Variants in LCOR observed in about 807,000 individuals in gnomAD.
LCOR encodes ligand dependent nuclear receptor corepressor.
LCOR carries 14 observed loss-of-function variants against 64.4 expected under a neutral mutation model. The observed-to-expected ratio is 0.22, with a 90% CI of 0.14 to 0.34. LCOR has a LOEUF of 0.34. LCOR is among the 10% of genes least tolerant of loss of function. The pLI, the probability that LCOR is intolerant of heterozygous loss-of-function variation, is 1.00. For synonymous variants in LCOR, 643 were observed against 642.5 expected, an observed-to-expected ratio of 1.00 and a Z score of -0.01; for missense variants, 1,686 against 1,765.3, an observed-to-expected ratio of 0.96 and a Z score of 0.80.
intron 4 of LCOR, among the ~76,000 whole-genome samples, chr10:96,934,735 G>T (rs1311406680): frequency 2.0e-5 from 3 of 151,964 alleles, no homozygotes; most frequent in African/African-American, 7.3e-5. Flanking sequence ...CTGAGTAGCT[G>T]GGATTACAGG....
At chr10:96,842,728 T>A (rs573802870) in intron 2 of LCOR, among the ~76,000 whole-genome samples, 1 of 151,688 alleles carries the variant, frequency 6.6e-6, no homozygotes, top group Non-Finnish European at 1.5e-5. Flanking sequence ...CCTCCCAGGT[T>A]CAAGTGATTC....
intron 2 of LCOR, among the ~76,000 whole-genome samples, chr10:96,837,892 C>T (rs1015428272): frequency 1.9e-4 from 29 of 152,246 alleles, no homozygotes; most frequent in African/African-American, 6.5e-4. Context: ...TCATATTTCC[C>T]GTAAGTCTGT....
chr10:96,835,637 T>G (rs1398497614), intron 2 of LCOR, among the ~76,000 whole-genome samples: 3 of 152,242 alleles, frequency 2.0e-5, no homozygotes, highest in Non-Finnish European at 4.4e-5. Flanking sequence ...TTCTAAACGG[T>G]CAACCTGTTT....
rs574580821 is a variant in LCOR, at chr10:96,990,102, C to T, written c.*4968C>T. The T allele has an allele frequency of 3.0e-4, 45 of 152,140 alleles. No homozygotes were observed. Among genetic ancestry groups the T allele is most frequent in the African/African-American group, 1.1e-3 (44 of 41,492 alleles). 9.4% of individuals were successfully genotyped at this position (152,140 alleles called of 1,614,324 possible). ...TATTCCCCATGCTTGCTCTCAAATC[C>T]TTTTCAGGGGAAAAATAAAAAGATT... On this transcript the variant is annotated 3_prime_UTR_variant, in exon 8 of 8. Transcript: ENST00000421806.
At chr10:96,970,255 G>A (rs575858564) in intron 7 of LCOR, among the ~76,000 whole-genome samples, 326 of 152,060 alleles carry the variant, frequency 2.1e-3, no homozygotes, top group Admixed American at 5.0e-3. Flanking sequence ...AAAAATAACC[G>A]GGTGTGGTGG....
intron 4 of LCOR, among the ~76,000 whole-genome samples, chr10:96,916,820 G>C (rs1231293077): frequency 6.6e-6 from 1 of 152,000 alleles, no homozygotes; most frequent in Non-Finnish European, 1.5e-5. Context: ...TCACCATGTT[G>C]GTCGGGCTGG....
intron 2 of LCOR, among the ~76,000 whole-genome samples, chr10:96,891,953 G>A (rs1846453029): frequency 6.6e-6 from 1 of 152,122 alleles, no homozygotes; most frequent in Non-Finnish European, 1.5e-5. Context: ...CATTGTGGTT[G>A]GAAAAGATAC....
At chr10:96,913,833 G>A (rs1198330851) in intron 4 of LCOR, among the ~76,000 whole-genome samples, 4 of 151,874 alleles carry the variant, frequency 2.6e-5, no homozygotes, top group Admixed American at 1.3e-4. Flanking sequence ...CACGAGAATC[G>A]TTTGAACCTA....
chr10:96,946,194 T>G (rs986415337), intron 5 of LCOR, among the ~76,000 whole-genome samples: 1 of 152,080 alleles, frequency 6.6e-6, no homozygotes, highest in African/African-American at 2.4e-5. Flanking sequence ...TAGTACTCTT[T>G]AAATTAATAC....
chr10:96,893,890 G>A (rs781321102), intron 2 of LCOR, among the ~76,000 whole-genome samples: 26 of 152,004 alleles, frequency 1.7e-4, no homozygotes, highest in Non-Finnish European at 3.2e-4. Flanking sequence ...TCCTAGAGTT[G>A]TAGTACTCCT....
chr10:96,944,253 T>C lies in LCOR; in HGVS notation c.-51+8T>C, dbSNP rs990803058. ...CAGTCTTTTATAGAAAAGGTTGGTT[T>C]CAGTGAAGATGATATTTAGCATCTG... On this transcript the variant is annotated splice_region_variant and intron_variant, in intron 5 of 7. Transcript: ENST00000421806. 3.0e-6 allele frequency: 3 copies of C among 984,942 alleles called. No individual in the cohort carries two copies. In the African/African-American group the frequency reaches 5.2e-5, roughly 17 times the overall value. 61.0% of individuals were successfully genotyped at this position (984,942 alleles called of 1,614,324 possible). A position where few individuals can be genotyped will look rare whatever the true frequency, so the allele number is the denominator to read the frequency against.
chr10:96,911,326 G>A (rs1458991226), intron 4 of LCOR, among the ~76,000 whole-genome samples: 2 of 152,000 alleles, frequency 1.3e-5, no homozygotes, highest in Non-Finnish European at 1.5e-5. Flanking sequence ...TTGAACCCCT[G>A]ACCTCAAGTG....
chr10:96,942,461 G>T (rs1847509876), intron 4 of LCOR, among the ~76,000 whole-genome samples: 1 of 151,512 alleles, frequency 6.6e-6, no homozygotes, highest in Admixed American at 6.6e-5. Context: ...AGGGAGAGGA[G>T]GGAGAGGGAG....
At chr10:96,853,915 C>T (rs947063545) in intron 2 of LCOR, among the ~76,000 whole-genome samples, 2 of 152,088 alleles carry the variant, frequency 1.3e-5, no homozygotes, top group African/African-American at 4.8e-5. Context: ...GCCTATAAAA[C>T]CATCAGATCT....
chr10:96,903,149 G>T (rs1846670364), intron 2 of LCOR, among the ~76,000 whole-genome samples: 1 of 152,148 alleles, frequency 6.6e-6, no homozygotes, highest in Admixed American at 6.5e-5. Flanking sequence ...GAGAGTGCAG[G>T]ACTGGAAGTT....
intron 2 of LCOR, among the ~76,000 whole-genome samples, chr10:96,834,851 G>A (rs1845414610): frequency 6.6e-6 from 1 of 152,106 alleles, no homozygotes; most frequent in Non-Finnish European, 1.5e-5. Context: ...TTGCTAGTTA[G>A]TGGTTAGTTA....
chr10:96,868,319 G>A (rs1372356817), intron 2 of LCOR, among the ~76,000 whole-genome samples: 1 of 146,898 alleles, frequency 6.8e-6, no homozygotes, highest in East Asian at 2.0e-4. Context: ...CTGTTGTTCA[G>A]GCTGGAGTGC....
chr10:96,970,256 G>T lies in LCOR; in HGVS notation c.333-10537G>T, dbSNP rs373748983. ...CTACTAAAATACAAAAAAATAACCG[G>T]GTGTGGTGGCGCTTGCCTGTAGTCC... On this transcript the variant is annotated intron_variant, in intron 7 of 7. Coordinates refer to ENST00000421806, the MANE Select transcript of LCOR (RefSeq NM_001346516.2). Among the ~76,000 whole-genome samples, 35 of 152,002 alleles carry T rather than the reference G, an allele frequency of 2.3e-4. 1 individual carries two copies. The East Asian group carries it at 4.5e-3, about 19-fold the overall frequency.
intron 2 of LCOR, among the ~76,000 whole-genome samples, chr10:96,896,350 G>T (rs909718467): frequency 1.3e-5 from 2 of 152,064 alleles, no homozygotes; most frequent in Non-Finnish European, 2.9e-5. Flanking sequence ...GAAAATATGA[G>T]AAATTTTAAT....
Sources: allele counts gnomAD v4.1 joint callset (sites outside exome capture counted in the v4.1 genomes callset), GRCh38; gene constraint gnomAD v4.1.1; transcripts MANE v1.5; gene names NCBI Gene and HGNC (gene_info 2026-07-23, HGNC 2026-07-21).